The following ABI3BP variants were observed in gnomAD, a reference collection of about 807,000 sequenced individuals.
ABI3BP encodes ABI family member 3 binding protein.
A neutral mutation model predicts 268.6 loss-of-function variants in ABI3BP; 216 were observed. The observed-to-expected ratio is 0.80, with a 90% CI of 0.72 to 0.90. ABI3BP has a LOEUF of 0.90. Ranked by LOEUF, ABI3BP falls within the 40% of genes least tolerant of loss-of-function variation. The pLI is 0.00. For missense variants in ABI3BP, 2,090 were observed against 2,182.4 expected (o/e 0.96, Z 0.84); for synonymous variants, 730 against 730.0 (o/e 1.00, Z 0.00).
chr3:100,852,276 T>C (rs376039935), intron 14 of ABI3BP, among the ~76,000 whole-genome samples: 3 of 152,200 alleles, frequency 2.0e-5, no homozygotes, highest in East Asian at 3.9e-4. Flanking sequence ...TAAAGTCAGA[T>C]GGCAGTTTGG....
intron 6 of ABI3BP, 93 bp downstream of exon 6, chr3:100,885,443 T>A: frequency 1.5e-6 from 1 of 664,020 alleles, no homozygotes; most frequent in Non-Finnish European, 2.3e-6. Context: ...GCTAGTCAGT[T>A]AATCTAATTT....
intron 1 of ABI3BP, among the ~76,000 whole-genome samples, chr3:100,987,047 C>T (rs1361609171): frequency 6.6e-6 from 1 of 152,094 alleles, no homozygotes; most frequent in Non-Finnish European, 1.5e-5. Flanking sequence ...TAGATAATCA[C>T]ATTAGAGTAT....
At chr3:100,937,464 A>C (rs962030409) in intron 1 of ABI3BP, among the ~76,000 whole-genome samples, 2 of 152,036 alleles carry the variant, frequency 1.3e-5, no homozygotes, top group Admixed American at 1.3e-4. Context: ...CTATAATGAG[A>C]TATAGCTCAG....
At chr3:100,939,384 CA>C (rs74363100) in intron 1 of ABI3BP, among the ~76,000 whole-genome samples, 39,476 of 151,818 alleles carry the variant, frequency 0.26, 5,618 homozygotes, top group East Asian at 0.42. Context: ...GAACCTGCCC[CA>C]ATAGTCATGT....
In ABI3BP at chr3:100,902,656, C is replaced by T. The variant is rs767968797; in HGVS notation, c.290G>A (p.Arg97Gln). Residue 97 changes from arginine (R) to glutamine (Q), a missense_variant, in exon 3 of 68, where the codon CGA (arginine) becomes CAA (glutamine). Coordinates refer to ENST00000471714, the MANE Select transcript of ABI3BP (RefSeq NM_001375547.2). ...DAEPKYLIVV[R>Q]PAPPPSQKKS... ...CTTTTGACTTGGAGGTGGAGCAGGT[C>T]GCACAACTATCAGATATTTCGGCTC... is the stretch of plus-strand genomic sequence containing the variant. 1.7e-5 allele frequency: 28 copies of T among 1,613,844 alleles called. 1 individual carries two copies. The highest frequency in any genetic ancestry group is 9.9e-5 in the South Asian group (9 of 91,056).
chr3:100,850,603 A>C, intron 16 of ABI3BP, 57 bp downstream of exon 16: 1 of 1,316,982 alleles, frequency 7.6e-7, no homozygotes, highest in Non-Finnish European at 1.1e-6. Flanking sequence ...AAAGGCATTC[A>C]CATGATTTTT....
At chr3:100,846,341 T>C in intron 20 of ABI3BP, 31 bp downstream of exon 20, 1 of 1,459,864 alleles carries the variant, frequency 6.8e-7, no homozygotes, top group Non-Finnish European at 9.3e-7. Flanking sequence ...ACCCCACTTT[T>C]GGAATATTCA....
At chr3:100,919,027 A>G (rs9860250) in intron 2 of ABI3BP, among the ~76,000 whole-genome samples, 19,469 of 151,884 alleles carry the variant, frequency 0.13, 1,438 homozygotes, top group Middle Eastern at 0.19. Flanking sequence ...TCTGATATTC[A>G]CCCCTGGCAG....
chr3:100,940,500 C>T (rs534071319), intron 1 of ABI3BP, among the ~76,000 whole-genome samples: 73 of 151,746 alleles, frequency 4.8e-4, no homozygotes, highest in Non-Finnish European at 8.2e-4. Context: ...ATACATTAGC[C>T]ACATTCACAA....
At chr3:100,757,844 G>T (rs1033766997) in intron 63 of ABI3BP, among the ~76,000 whole-genome samples, 9 of 152,096 alleles carry the variant, frequency 5.9e-5, no homozygotes, top group Admixed American at 2.6e-4. Context: ...AAAAAAATTT[G>T]CATCTGGGGA....
intron 1 of ABI3BP, among the ~76,000 whole-genome samples, chr3:100,974,505 A>T (rs1446689219): frequency 2.0e-5 from 3 of 152,204 alleles, no homozygotes; most frequent in African/African-American, 7.2e-5. Flanking sequence ...GGACAAAAAA[A>T]GTTAATATAC....
chr3:100,984,503 T>C (rs1399012955), intron 1 of ABI3BP, among the ~76,000 whole-genome samples: 2 of 152,192 alleles, frequency 1.3e-5, no homozygotes, highest in Admixed American at 6.5e-5. Context: ...AAATCTTCTA[T>C]GAAAATGCCA....
intron 1 of ABI3BP, among the ~76,000 whole-genome samples, chr3:100,934,680 T>C (rs1208645062): frequency 6.6e-6 from 1 of 152,208 alleles, no homozygotes; most frequent in Non-Finnish European, 1.5e-5. Context: ...CCATTCTAAC[T>C]GGCATGAGAT....
intron 38 of ABI3BP, among the ~76,000 whole-genome samples, chr3:100,821,896 C>T (rs1474105281): frequency 1.3e-5 from 2 of 152,162 alleles, no homozygotes; most frequent in Non-Finnish European, 2.9e-5. Flanking sequence ...CCACTGCGCC[C>T]AGCAAAGTAA....
intron 11 of ABI3BP, 136 bp from the exon 12 acceptor site, chr3:100,864,212 T>C (rs1304037356): frequency 1.5e-6 from 1 of 658,278 alleles, no homozygotes; most frequent in Non-Finnish European, 2.7e-6. Flanking sequence ...GGAAATAACC[T>C]TCCCTGGAAA....
intron 38 of ABI3BP, 77 bp from the exon 39 acceptor site, chr3:100,821,190 T>C: frequency 1.6e-6 from 2 of 1,247,244 alleles, no homozygotes; most frequent in South Asian, 1.3e-5. Context: ...CAAAAATGAG[T>C]CTTACTAGTA....
chr3:100,807,148 G>A (rs1487482293), intron 50 of ABI3BP, among the ~76,000 whole-genome samples: 2 of 151,900 alleles, frequency 1.3e-5, no homozygotes, highest in Admixed American at 1.3e-4. Context: ...AAAGCTGAGA[G>A]CTTCTTCTCA....
intron 50 of ABI3BP, among the ~76,000 whole-genome samples, chr3:100,807,748 G>A (rs2097754418): frequency 6.6e-6 from 1 of 152,040 alleles, no homozygotes; most frequent in African/African-American, 2.4e-5. Flanking sequence ...GGTATCCTGG[G>A]TGGGTGAACC....
chr3:100,973,231 C>T (rs1180997278), intron 1 of ABI3BP, among the ~76,000 whole-genome samples: 1 of 152,134 alleles, frequency 6.6e-6, no homozygotes, highest in Non-Finnish European at 1.5e-5. Context: ...AATGAATCAA[C>T]AACGTGTATT....
Sources: allele counts gnomAD v4.1 joint callset (sites outside exome capture counted in the v4.1 genomes callset), GRCh38; gene constraint gnomAD v4.1.1; transcripts MANE v1.5; gene names NCBI Gene and HGNC (gene_info 2026-07-23, HGNC 2026-07-21).